Variants in HYKK observed in about 807,000 individuals in gnomAD.
HYKK encodes the protein 5-hydroxy-L-lysine kinase.
A neutral mutation model predicts 29.7 loss-of-function variants in HYKK; 19 were observed. The ratio of observed to expected loss-of-function variants is 0.64; its 90% CI spans 0.45 to 0.94. HYKK has a LOEUF of 0.94. Among genes scored for constraint, HYKK ranks in the 40% least tolerant of loss-of-function variants. HYKK has a pLI of 0.00. For missense variants in HYKK, 390 were observed against 443.4 expected, an observed-to-expected ratio of 0.88 and a Z score of 1.08; for synonymous variants, 152 against 158.1, an observed-to-expected ratio of 0.96 and a Z score of 0.29.
At position 78,513,383 on chromosome 15, in the gene HYKK, TG is replaced by T; in HGVS notation, c.296del (p.Cys99PhefsTer14). 6.2e-7 allele frequency: 1 copy of T among 1,614,170 alleles called. No homozygotes were observed. Among genetic ancestry groups the T allele is most frequent in the Non-Finnish European group, 8.5e-7 (1 of 1,180,026 alleles). On this transcript the variant is annotated frameshift_variant, in exon 2 of 5. Coordinates refer to ENST00000388988, the MANE Select transcript of HYKK (RefSeq NM_001013619.4). LOFTEE classifies it high-confidence loss of function. ...CGCTGGATTTCCAACAGCCTCTGTG[TG>T]TCACACTAAAGGAGACAACACAGCT... ...KAAGFPTASV[C>X]HTKGDNTASL...
In HYKK at chr15:78,533,382, G is replaced by T; in HGVS notation, c.834G>T (p.Lys278Asn). Residue 278 changes from lysine (K) to asparagine (N), a missense_variant, in exon 5 of 5, where the codon AAG becomes AAT. Lys to Asn is a moderately conservative substitution (Grantham distance 94, BLOSUM62 0). Coordinates refer to ENST00000388988, the MANE Select transcript of HYKK (RefSeq NM_001013619.4). ...TCATGTACATGATGATTGAGAGCAA[G>T]AGTCCTATACAAGTAGGAGGCCATG... ...ITIMYMMIES[K>N]SPIQVGGHVL... 1 of 1,614,202 alleles carries T rather than the reference G, an allele frequency of 6.2e-7. No individual in the cohort carries two copies. The highest frequency in any genetic ancestry group is 8.5e-7 in the Non-Finnish European group (1 of 1,180,028).
intron 3 of HYKK, among the ~76,000 whole-genome samples, chr15:78,517,498 G>A (rs745810302): frequency 2.0e-5 from 3 of 151,910 alleles, no homozygotes; most frequent in Admixed American, 6.6e-5. Flanking sequence ...AGAATTACTT[G>A]AACCCAGGAG....
intron 4 of HYKK, among the ~76,000 whole-genome samples, chr15:78,531,037 A>AT (rs1258007883): frequency 6.6e-6 from 1 of 151,738 alleles, no homozygotes; most frequent in African/African-American, 2.4e-5. Flanking sequence ...TAATTTTTGT[A>AT]TTTTTAGTAG....
In HYKK at chr15:78,513,446, C is replaced by T. The variant is rs189165278; in HGVS notation, c.337+21C>T. On this transcript the variant is annotated intron_variant, in intron 2 of 4. Transcript: ENST00000388988. ...TGTAGGTAAGAGATGACCAATTCGCCGATCCATTACCTATCCAGACACATC... is the reference window on the plus strand; with the variant it reads ...TGTAGGTAAGAGATGACCAATTCGCTGATCCATTACCTATCCAGACACATC... The T allele has an allele frequency of 3.5e-5, 54 of 1,537,112 alleles. 1 individual carries two copies. The highest frequency in any genetic ancestry group is 2.9e-4 in the Admixed American group (17 of 57,680).
chr15:78,530,688 G>T (rs948132291), intron 4 of HYKK, among the ~76,000 whole-genome samples: 1 of 151,896 alleles, frequency 6.6e-6, no homozygotes, highest in Non-Finnish European at 1.5e-5. Context: ...TGGGGCTACA[G>T]GCATGCATTA....
chr15:78,533,694 G>A lies in HYKK; in HGVS notation c.*24G>A, dbSNP rs1596036539. ...GACTGAGATCTCCATGTGACTCAAA[G>A]TTCACTTTAACTTGGGTAATTAAAA... On this transcript the variant is annotated 3_prime_UTR_variant, in exon 5 of 5. Transcript: ENST00000388988. 6.4e-7 allele frequency: 1 copy of A among 1,553,250 alleles called. No homozygotes were observed. The highest frequency in any genetic ancestry group is 8.9e-7 in the Non-Finnish European group (1 of 1,129,102).
Position 78,533,923 on chromosome 15 carries a change from T to A in HYKK, c.*253T>A. ...ACTTGCCATATCTATAAAACACATA[T>A]AATGATACCATTTTGAAGCAGATAA... On this transcript the variant is annotated 3_prime_UTR_variant, in exon 5 of 5. Coordinates refer to ENST00000388988, the MANE Select transcript of HYKK (RefSeq NM_001013619.4). 1 of 443,300 alleles carries A rather than the reference T, an allele frequency of 2.3e-6. No homozygotes were observed. The highest frequency in any genetic ancestry group is 3.4e-5 in the South Asian group (1 of 29,520). The allele number at this position is 443,300 out of a possible 1,614,324, so 27.5% of individuals were successfully genotyped here.
intron 4 of HYKK, among the ~76,000 whole-genome samples, chr15:78,531,810 C>G (rs2052315421): frequency 1.3e-5 from 2 of 152,210 alleles, no homozygotes; most frequent in South Asian, 4.1e-4. Flanking sequence ...AAAGGGATTA[C>G]AGGCATGAGC....
rs143208297 is a variant in HYKK at position 78,535,822 on chromosome 15, A to G, written c.*2152A>G. ...AACCTCTACCTCCTGGGCTCAAGCAATCCTCCCACCTCAGCCTCCTGAGTA... is the reference window on the plus strand; with the variant it reads ...AACCTCTACCTCCTGGGCTCAAGCAGTCCTCCCACCTCAGCCTCCTGAGTA... On this transcript the variant is annotated 3_prime_UTR_variant, in exon 5 of 5. Coordinates refer to ENST00000388988, the MANE Select transcript of HYKK (RefSeq NM_001013619.4). The G allele has an allele frequency of 0.011, 1,747 of 152,144 alleles. 50 individuals are homozygous for G. The highest frequency in any genetic ancestry group is 0.039 in the African/African-American group (1,613 of 41,378). The allele number at this position is 152,144 out of a possible 1,614,324, so 9.4% of individuals were successfully genotyped here.
intron 3 of HYKK, among the ~76,000 whole-genome samples, chr15:78,521,318 A>G (rs2052194016): frequency 6.6e-6 from 1 of 152,116 alleles, no homozygotes; most frequent in Non-Finnish European, 1.5e-5. Flanking sequence ...ATTAATTATA[A>G]GAAAGAAGAA....
intron 4 of HYKK, among the ~76,000 whole-genome samples, chr15:78,531,440 A>G (rs749350795): frequency 6.6e-6 from 1 of 152,178 alleles, no homozygotes; most frequent in Non-Finnish European, 1.5e-5. Context: ...ACAATTATTG[A>G]GTAAAGCACA....
At position 78,519,327 on chromosome 15, in the gene HYKK, C is replaced by T. The variant is rs982247388; in HGVS notation, c.477+4220C>T. 2.0e-5 allele frequency among the ~76,000 whole-genome samples: 3 copies of T among 152,198 alleles called. No homozygotes were observed. The South Asian group carries it at 6.2e-4, about 32-fold the overall frequency. ...TAAACATTTCCGTCAAAATAGTTTT[C>T]AAGTAAGTTTGAGCAAATTCATTTG... On this transcript the variant is annotated intron_variant, in intron 3 of 4. Transcript: ENST00000388988.
rs3053647 is a variant in HYKK, at chr15:78,536,298, T to TACAC, written c.*2658_*2661dup. 1,952 of 149,138 alleles carry TACAC rather than the reference T, an allele frequency of 0.013. 21 individuals are homozygous for TACAC. The highest frequency in any genetic ancestry group is 0.016 in the African/African-American group (636 of 40,390). The allele number at this position is 149,138 out of a possible 1,614,324, so 9.2% of individuals were successfully genotyped here. A position where few individuals can be genotyped will look rare whatever the true frequency, so the allele number is the denominator to read the frequency against. ...CCTCTCCCTCCTCTCCTGTCCCTGC[T>TACAC]ACACACACACACACACACACACACA... On this transcript the variant is annotated 3_prime_UTR_variant, in exon 5 of 5. Coordinates refer to ENST00000388988, the MANE Select transcript of HYKK (RefSeq NM_001013619.4).
chr15:78,535,289 C>CTTTTTTTTTTTTTTTTTTTTT lies in HYKK; in HGVS notation c.*1634_*1635insTTTTTTTTTTTTTTTTTTTTT, dbSNP rs58709975. On this transcript the variant is annotated 3_prime_UTR_variant, in exon 5 of 5. Transcript: ENST00000388988. ...ATTTCTTTTTCTTTTCTTTTCTTTT[C>CTTTTTTTTTTTTTTTTTTTTT]TTTTTTTTTTTTTTTGGTGGTGGGG... 1.5e-5 allele frequency: 2 copies of CTTTTTTTTTTTTTTTTTTTTT among 130,966 alleles called. No homozygotes were observed. Among genetic ancestry groups the CTTTTTTTTTTTTTTTTTTTTT allele is most frequent in the Non-Finnish European group, 1.6e-5 (1 of 63,412 alleles). The allele number at this position is 130,966 out of a possible 1,614,324, so 8.1% of individuals were successfully genotyped here.
At chr15:78,516,698 A>C (rs1055000903) in intron 3 of HYKK, among the ~76,000 whole-genome samples, 1 of 152,148 alleles carries the variant, frequency 6.6e-6, no homozygotes, top group African/African-American at 2.4e-5. Flanking sequence ...GCTATAAAGA[A>C]ATACCTGAGA....
intron 3 of HYKK, among the ~76,000 whole-genome samples, chr15:78,525,935 CA>C (rs1350520203): frequency 1.3e-5 from 2 of 152,134 alleles, no homozygotes; most frequent in African/African-American, 4.8e-5. Context: ...GCAAGTCATG[CA>C]AAAAAGTTTG....
chr15:78,533,011 GA>G (rs1422733048), intron 4 of HYKK, among the ~76,000 whole-genome samples, 198 bp from the exon 5 acceptor site: 1 of 152,152 alleles, frequency 6.6e-6, no homozygotes, highest in Admixed American at 6.6e-5. Flanking sequence ...GTACTGATGA[GA>G]AGCAAAAGCA....
rs766004199 is a variant in HYKK at position 78,514,908 on chromosome 15, C to CTCTCTATATATA, written c.338-59_338-58insCTCTATATATAT. 1.8e-3 allele frequency: 706 copies of CTCTCTATATATA among 385,360 alleles called. 2 individuals carry two copies. The highest frequency in any genetic ancestry group is 6.2e-3 in the African/African-American group (249 of 40,452). 23.9% of individuals were successfully genotyped at this position (385,360 alleles called of 1,614,324 possible). On this transcript the variant is annotated intron_variant, in intron 2 of 4. Coordinates refer to ENST00000388988, the MANE Select transcript of HYKK (RefSeq NM_001013619.4). ...TAAATACCTCTCTCTCTCTCTCTCTCTATATATATATATATATATAAATAA... is the reference window on the plus strand; with the variant it reads ...TAAATACCTCTCTCTCTCTCTCTCTCTCTCTATATATATATATATATATATATATATAAATAA...
chr15:78,524,607 G>A (rs149080058), intron 3 of HYKK, among the ~76,000 whole-genome samples: 42 of 152,220 alleles, frequency 2.8e-4, no homozygotes, highest in African/African-American at 9.9e-4. Flanking sequence ...TCAGGAGTTC[G>A]AGATCAGCCT....
Sources: allele counts gnomAD v4.1 joint callset (sites outside exome capture counted in the v4.1 genomes callset), GRCh38; gene constraint gnomAD v4.1.1; transcripts MANE v1.5; gene names NCBI Gene and HGNC (gene_info 2026-07-23, HGNC 2026-07-21).